WDFY4: variants seen among roughly 807,000 people sequenced by gnomAD.
The protein encoded by WDFY4 is WD repeat- and FYVE domain-containing protein 4.
Under a neutral mutation model 351.9 loss-of-function variants are expected in WDFY4, and 169 were observed. The ratio of observed to expected loss-of-function variants is 0.48; its 90% CI spans 0.42 to 0.55. The LOEUF is 0.55. Ranked by LOEUF, WDFY4 falls within the 20% of genes least tolerant of loss-of-function variation. The pLI is 0.00. For synonymous variants in WDFY4, 1,622 were observed against 1,574.6 expected (o/e 1.03, Z -0.71); for missense variants, 3,803 against 3,935.6 (o/e 0.97, Z 0.90).
chr10:48,688,751 T>G (rs1003717560), intron 1 of WDFY4, among the ~76,000 whole-genome samples: 1 of 152,044 alleles, frequency 6.6e-6, no homozygotes, highest in African/African-American at 2.4e-5. Flanking sequence ...TGCCCCAAAG[T>G]GATAATAGTT....
At chr10:48,710,527 T>C (rs1589431835) in intron 2 of WDFY4, among the ~76,000 whole-genome samples, 1 of 152,152 alleles carries the variant, frequency 6.6e-6, no homozygotes, top group East Asian at 1.9e-4. Flanking sequence ...ACTGTCTCTT[T>C]AGTTAAAAAA....
chr10:48,739,227 G>A (rs190252294), intron 11 of WDFY4, among the ~76,000 whole-genome samples: 9 of 152,328 alleles, frequency 5.9e-5, no homozygotes, highest in Admixed American at 3.3e-4. Context: ...TAGTCCTAAC[G>A]TAGTTAGCGC....
chr10:48,759,422 C>T (rs1184072200), intron 12 of WDFY4, among the ~76,000 whole-genome samples: 1 of 152,066 alleles, frequency 6.6e-6, no homozygotes, highest in African/African-American at 2.4e-5. Flanking sequence ...GTCTCTGGGG[C>T]CATGCAGTGA....
Position 48,982,539 on chromosome 10 carries a change from GA to G in WDFY4, c.9520del (p.Arg3174GlyfsTer74). The G allele has an allele frequency of 6.5e-7, 1 of 1,538,060 alleles. No homozygotes were observed. Among genetic ancestry groups the G allele is most frequent in the Non-Finnish European group, 8.8e-7 (1 of 1,138,188 alleles). On this transcript the variant is annotated frameshift_variant, in exon 62 of 62. Transcript: ENST00000325239. LOFTEE classifies it high-confidence loss of function. Reference sequence around the variant, plus strand: ...ACACCAAACTCCTGGTTGGTGATGAGAGGGGGAGAATATTCTGCTGGTCTGC... The same window carrying G: ...ACACCAAACTCCTGGTTGGTGATGAGGGGGGAGAATATTCTGCTGGTCTGC... ...NHTKLLVGDE[R>X]GRIFCWSADG
intron 2 of WDFY4, among the ~76,000 whole-genome samples, chr10:48,711,385 T>C (rs1442195527): frequency 6.6e-6 from 1 of 152,186 alleles, no homozygotes; most frequent in Admixed American, 6.5e-5. Flanking sequence ...CCCCAGATTC[T>C]GGGAGGTGCG....
intron 12 of WDFY4, among the ~76,000 whole-genome samples, chr10:48,754,206 C>T (rs2065264086): frequency 6.7e-6 from 1 of 148,572 alleles, no homozygotes; most frequent in Non-Finnish European, 1.5e-5. Context: ...TCATAAGGGA[C>T]ATTGATCCCT....
At chr10:48,871,639 T>A (rs145716606) in intron 40 of WDFY4, among the ~76,000 whole-genome samples, 1 of 152,166 alleles carries the variant, frequency 6.6e-6, no homozygotes, top group Non-Finnish European at 1.5e-5. Context: ...ACATGCCCAG[T>A]TATTTCTTTA....
At chr10:48,942,129 G>A (rs1027746330) in intron 48 of WDFY4, among the ~76,000 whole-genome samples, 2 of 151,992 alleles carry the variant, frequency 1.3e-5, no homozygotes, top group African/African-American at 2.4e-5. Context: ...TAGGCCAAGC[G>A]AATTTTTGTA....
At chr10:48,806,179 CTAAG>C in intron 27 of WDFY4, 84 bp downstream of exon 27, 4 of 1,404,172 alleles carry the variant, frequency 2.8e-6, no homozygotes, top group Non-Finnish European at 3.9e-6. Flanking sequence ...GAGGGAGGGG[CTAAG>C]TAAGGAAGGG....
At position 48,877,161 on chromosome 10, in the gene WDFY4, A is replaced by G; in HGVS notation, c.7129A>G (p.Arg2377Gly). 1 of 1,551,690 alleles carries G rather than the reference A, an allele frequency of 6.4e-7. No individual in the cohort carries two copies. Among genetic ancestry groups the G allele is most frequent in the Non-Finnish European group, 8.7e-7 (1 of 1,146,954 alleles). ...AGACTTCTTGGAACTGTGTCGGGAAAGACAAGTTATTTTACAAGAGCTTCT... is the reference window on the plus strand; with the variant it reads ...AGACTTCTTGGAACTGTGTCGGGAAGGACAAGTTATTTTACAAGAGCTTCT... Reference protein sequence around the residue: ...SEDFLELCRERQVILQELLDK... With the variant: ...SEDFLELCREGQVILQELLDK... Residue 2377 changes from arginine to glycine, a missense_variant, in exon 43 of 62, where the codon AGA (arginine) becomes GGA (glycine). By Grantham distance (125) the Arg-to-Gly change is moderately radical. Coordinates refer to ENST00000325239, the MANE Select transcript of WDFY4 (RefSeq NM_001394531.1).
intron 24 of WDFY4, among the ~76,000 whole-genome samples, chr10:48,798,156 T>C (rs979899871): frequency 6.6e-6 from 1 of 152,226 alleles, no homozygotes; most frequent in Non-Finnish European, 1.5e-5. Context: ...GTCATCAATA[T>C]GTATATTATA....
intron 47 of WDFY4, among the ~76,000 whole-genome samples, chr10:48,905,634 G>T (rs1201939316): frequency 1.3e-5 from 2 of 152,232 alleles, no homozygotes; most frequent in East Asian, 3.9e-4. Context: ...TAGGAACAGT[G>T]CTTAGTGCTT....
intron 2 of WDFY4, among the ~76,000 whole-genome samples, chr10:48,719,405 C>T (rs983537136): frequency 3.3e-5 from 5 of 152,140 alleles, no homozygotes; most frequent in Admixed American, 6.5e-5. Flanking sequence ...TCAGTGTTGC[C>T]GAGGGTGTAG....
At chr10:48,900,131 C>G (rs561828975) in intron 45 of WDFY4, 90 bp from the exon 46 acceptor site, 3 of 1,160,516 alleles carry the variant, frequency 2.6e-6, no homozygotes, top group Non-Finnish European at 2.4e-6. Context: ...CACGGAGACC[C>G]GCAATGACCC....
chr10:48,723,723 C>G (rs1468425287), intron 5 of WDFY4, among the ~76,000 whole-genome samples, 156 bp downstream of exon 5: 1 of 152,152 alleles, frequency 6.6e-6, no homozygotes, highest in African/African-American at 2.4e-5. Flanking sequence ...CCCTCCCCAC[C>G]ACTGCACAGT....
At chr10:48,959,960 C>T in intron 53 of WDFY4, 147 bp downstream of exon 53, 2 of 739,518 alleles carry the variant, frequency 2.7e-6, no homozygotes, top group South Asian at 2.0e-5. Context: ...GGGGTCTATA[C>T]CTTAGGTTGG....
Position 48,798,159 on chromosome 10 carries a change from A to G in WDFY4, c.4410+1709A>G, listed in dbSNP as rs191619959. Among the ~76,000 whole-genome samples, 276 of 152,362 alleles carry G rather than the reference A, an allele frequency of 1.8e-3. 2 individuals carry two copies. Among genetic ancestry groups the G allele is most frequent in the African/African-American group, 5.9e-3 (246 of 41,582 alleles). On this transcript the variant is annotated intron_variant, in intron 24 of 61. Coordinates refer to ENST00000325239, the MANE Select transcript of WDFY4 (RefSeq NM_001394531.1). ...GGGAGACTGACAGTCATCAATATGT[A>G]TATTATAAAAAGAGAATACTCTTTG...
At chr10:48,941,707 A>G (rs1306835255) in intron 47 of WDFY4, 99 bp from the exon 48 acceptor site, 2 of 1,258,536 alleles carry the variant, frequency 1.6e-6, no homozygotes, top group Non-Finnish European at 2.3e-6. Context: ...GCTTTCCTGA[A>G]CACCCTGGTC....
At chr10:48,926,063 CTG>C (rs1839546749) in intron 47 of WDFY4, among the ~76,000 whole-genome samples, 1 of 152,182 alleles carries the variant, frequency 6.6e-6, no homozygotes, top group Non-Finnish European at 1.5e-5. Flanking sequence ...TTTCTATACA[CTG>C]TGCCACCTCT....
Sources: allele counts gnomAD v4.1 joint callset (sites outside exome capture counted in the v4.1 genomes callset), GRCh38; gene constraint gnomAD v4.1.1; transcripts MANE v1.5; gene names NCBI Gene and HGNC (gene_info 2026-07-23, HGNC 2026-07-21).